The following FAM170A variants were observed in gnomAD, a reference collection of about 807,000 sequenced individuals.
FAM170A encodes the protein family with sequence similarity 170 member A.
Under a neutral mutation model 36.6 loss-of-function variants are expected in FAM170A, and 28 were observed. The ratio of observed to expected loss-of-function variants is 0.76; its 90% confidence interval spans 0.57 to 1.05. The LOEUF (loss-of-function observed/expected upper bound fraction) is 1.05, where lower values mean the gene tolerates loss of function less well. Ranked by LOEUF, FAM170A falls within the 50% of genes least tolerant of loss-of-function variation. The pLI is 0.00. For missense variants in FAM170A, 434 were observed against 396.5 expected (o/e 1.09, Z -0.80); for synonymous variants, 156 against 143.9 (o/e 1.08, Z -0.60).
exon 3 of FAM170A, chr5:119,634,296 C>G: frequency 6.2e-7 from 1 of 1,614,192 alleles, no homozygotes; most frequent in Non-Finnish European, 8.5e-7. Flanking sequence ...AACCTCCTGT[C>G]TGACAGTGAG....
rs1756318045 is a variant in FAM170A, at chr5:119,634,083, CT to C, written c.337del (p.Cys113ValfsTer7). 1 of 1,614,162 alleles carries C rather than the reference CT, an allele frequency of 6.2e-7. No homozygotes were observed. Among genetic ancestry groups the C allele is most frequent in the Non-Finnish European group, 8.5e-7 (1 of 1,180,018 alleles). Reference sequence around the variant, plus strand: ...TTGTCGTCCTATTCATCCTATAAGACTTGTGTGTCCTCTCTGTGTGTAAACA... The same window carrying C: ...TTGTCGTCCTATTCATCCTATAAGACTGTGTGTCCTCTCTGTGTGTAAACA... On this transcript the variant is annotated frameshift_variant, in exon 3 of 5. Coordinates refer to ENST00000613773, the Ensembl canonical transcript of FAM170A. LOFTEE classifies it high-confidence loss of function.
At chr5:119,634,060 G>A in exon 3 of FAM170A, 1 of 1,613,702 alleles carries the variant, frequency 6.2e-7, no homozygotes, top group Non-Finnish European at 8.5e-7. Flanking sequence ...ATGTCTCCTT[G>A]TCGTCCTATT....
chr5:119,634,273 T>C (rs1756325918), exon 3 of FAM170A: 1 of 1,614,172 alleles, frequency 6.2e-7, no homozygotes, highest in Non-Finnish European at 8.5e-7. Flanking sequence ...CCCCCTCTGA[T>C]GTGTCCACCA....
Position 119,629,698 on chromosome 5 carries a change from AAGGGCCAATCTAC to A in FAM170A, c.-67_-55del. 8.6e-7 allele frequency: 1 copy of A among 1,165,452 alleles called. No individual in the cohort carries two copies. The highest frequency in any genetic ancestry group is 2.4e-5 in the East Asian group (1 of 41,660). The allele number at this position is 1,165,452 out of a possible 1,614,324, so 72.2% of individuals were successfully genotyped here. ...TTTAATGAATTTCCTGAGAGCCAAG[AAGGGCCAATCTAC>A]AGGAAAAAGTGGGAGGTGGACATTA... is the stretch of plus-strand genomic sequence containing the variant. On this transcript the variant is annotated 5_prime_UTR_variant, in exon 1 of 5. It introduces an in-frame stop codon into an upstream open reading frame of the 5' UTR. Coordinates refer to ENST00000613773, the Ensembl canonical transcript of FAM170A.
At position 119,634,112 on chromosome 5, in the gene FAM170A, G is replaced by T. The variant is rs768055474; in HGVS notation, c.364G>T (p.Glu122Ter). The T allele has an allele frequency of 1.2e-6, 2 of 1,614,146 alleles. No individual in the cohort carries two copies. Among genetic ancestry groups the T allele is most frequent in the South Asian group, 2.2e-5 (2 of 91,076 alleles). Residue 122 changes from glutamate (E) to a stop codon, truncating the protein, a stop_gained, in exon 3 of 5, where the codon GAG becomes TAG. Transcript: ENST00000613773. LOFTEE classifies it high-confidence loss of function. Reference sequence around the variant, plus strand: ...TGTGTCCTCTCTGTGTGTAAACAAAGAGGAAAGGGGCATGAAAATATACTA... The same window carrying T: ...TGTGTCCTCTCTGTGTGTAAACAAATAGGAAAGGGGCATGAAAATATACTA...
intron 1 of FAM170A, among the ~76,000 whole-genome samples, chr5:119,631,751 C>T (rs1756256954): frequency 6.6e-6 from 1 of 152,014 alleles, no homozygotes; most frequent in Non-Finnish European, 1.5e-5. Context: ...TGTGTCTCCT[C>T]AACTCTCACA....
At chr5:119,629,761 C>T (rs753687402) in exon 1 of FAM170A, 2 of 1,610,922 alleles carry the variant, frequency 1.2e-6, no homozygotes, top group Admixed American at 1.7e-5. Flanking sequence ...ACTCTTCTAG[C>T]TGATATCATG....
chr5:119,632,623 C>CTGGTGGAACA, intron 1 of FAM170A, 125 bp from the exon 2 acceptor site: 4 of 860,994 alleles, frequency 4.6e-6, no homozygotes, highest in Non-Finnish European at 6.9e-6. Flanking sequence ...AAGCCTGTCT[C>CTGGTGGAACA]ACAAACCATG....
At chr5:119,635,064 G>A in exon 4 of FAM170A, 1 of 1,613,646 alleles carries the variant, frequency 6.2e-7, no homozygotes, top group Non-Finnish European at 8.5e-7. Context: ...ACTGGAAGAT[G>A]GTGTGGCCTT....
At chr5:119,634,125 T>A in exon 3 of FAM170A, 1 of 1,614,126 alleles carries the variant, frequency 6.2e-7, no homozygotes, top group Non-Finnish European at 8.5e-7. Context: ...GAAAGGGGCA[T>A]GAAAATATAC....
intron 4 of FAM170A, 78 bp downstream of exon 4, chr5:119,635,164 T>C (rs1391134451): frequency 4.9e-6 from 5 of 1,014,818 alleles, no homozygotes; most frequent in Non-Finnish European, 6.1e-6. Flanking sequence ...GCTGCAGGGA[T>C]GCACTGGGTC....
chr5:119,633,844 A>G (rs192930564), intron 2 of FAM170A, 116 bp from the exon 3 acceptor site: 16 of 1,330,492 alleles, frequency 1.2e-5, no homozygotes, highest in Non-Finnish European at 1.5e-5. Flanking sequence ...CAAGCTCACT[A>G]CACAGCTGCA....
At chr5:119,634,771 C>A (rs1327212050) in intron 3 of FAM170A, 37 bp downstream of exon 3, 4 of 1,510,516 alleles carry the variant, frequency 2.6e-6, no homozygotes, top group Non-Finnish European at 3.5e-6. Flanking sequence ...GCTGAGGGAG[C>A]AATGGCTTCC....
At chr5:119,633,398 A>G (rs1756298923) in intron 2 of FAM170A, among the ~76,000 whole-genome samples, 2 of 152,100 alleles carry the variant, frequency 1.3e-5, no homozygotes, top group South Asian at 4.1e-4. Context: ...CAGAGGCCAG[A>G]AAAGTCTGCT....
intron 3 of FAM170A, 44 bp from the exon 4 acceptor site, chr5:119,634,984 G>T (rs199847744): frequency 4.3e-6 from 7 of 1,611,336 alleles, no homozygotes; most frequent in Admixed American, 3.4e-5. Flanking sequence ...TTCAAAAGTC[G>T]CATTAACTAA....
exon 1 of FAM170A, chr5:119,629,754 C>T: frequency 6.2e-7 from 1 of 1,607,532 alleles, no homozygotes; most frequent in East Asian, 2.2e-5. Flanking sequence ...TCTAGAAACT[C>T]TTCTAGCTGA....
At chr5:119,634,148 C>G in exon 3 of FAM170A, 1 of 1,614,154 alleles carries the variant, frequency 6.2e-7, no homozygotes, top group Non-Finnish European at 8.5e-7. Flanking sequence ...CATGCAGGTA[C>G]AAATGAACAA....
chr5:119,633,174 TCCTTAGG>T (rs1172557342), intron 2 of FAM170A, among the ~76,000 whole-genome samples: 2 of 152,008 alleles, frequency 1.3e-5, no homozygotes, highest in Non-Finnish European at 2.9e-5. Context: ...GGTGCTGGAC[TCCTTAGG>T]CATGGGATTG....
At position 119,635,143 on chromosome 5, in the gene FAM170A, C is replaced by G. The variant is rs115798641; in HGVS notation, c.*52+57C>G. 5.4e-3 allele frequency: 6,995 copies of G among 1,297,004 alleles called. 312 individuals carry two copies. The African/African-American group carries it at 0.087, about 16-fold the overall frequency. 80.3% of individuals were successfully genotyped at this position (1,297,004 alleles called of 1,614,324 possible). A position where few individuals can be genotyped will look rare whatever the true frequency, so the allele number is the denominator to read the frequency against. ...TGTGTTGTGAGGGCCCAGAGGAATC[C>G]AAGGGAAGGAGCTGCAGGGATGCAC... On this transcript the variant is annotated intron_variant, in intron 4 of 4. Coordinates refer to ENST00000613773, the Ensembl canonical transcript of FAM170A.
Sources: gnomAD v4.1 joint callset for allele counts (sites outside exome capture counted in the v4.1 genomes callset) on GRCh38, gnomAD v4.1.1 for gene constraint, MANE v1.5 for transcripts, NCBI Gene and HGNC (gene_info 2026-07-23, HGNC 2026-07-21) for gene names.